RPS6KA2: variants seen among roughly 807,000 people sequenced by gnomAD.
RPS6KA2 encodes ribosomal protein S6 kinase alpha-2.
Under a neutral mutation model 91.8 loss-of-function variants are expected in RPS6KA2, and 42 were observed. That is an observed-to-expected ratio of 0.46 (90% CI 0.36 to 0.59). The LOEUF is 0.59. Among genes scored for constraint, RPS6KA2 ranks in the 20% least tolerant of loss-of-function variants. The pLI is 0.00. For missense variants in RPS6KA2, 798 were observed against 978.5 expected, an observed-to-expected ratio of 0.82 and a Z score of 2.46; for synonymous variants, 414 against 393.6, an observed-to-expected ratio of 1.05 and a Z score of -0.61.
chr6:166,470,056 G>A (rs551124272), intron 10 of RPS6KA2, 151 bp from the exon 11 acceptor site: 5 of 685,252 alleles, frequency 7.3e-6, no homozygotes, highest in East Asian at 2.7e-5. Flanking sequence ...AGGCACCTGC[G>A]CACCTGCCGA....
intron 2 of RPS6KA2, among the ~76,000 whole-genome samples, chr6:166,656,648 G>A (rs1357576522): frequency 2.0e-5 from 3 of 152,228 alleles, no homozygotes; most frequent in African/African-American, 7.2e-5. Flanking sequence ...CCGATTTCCC[G>A]GAGCTCCCAG....
rs191971087 is a variant in RPS6KA2 at position 166,424,435 on chromosome 6, C to T, written c.1582-1018G>A. ...ACTGCATTCTGAAAACTCAGGACTA[C>T]GCACACAGCTGGCTAAGACAGTATT... is the stretch of plus-strand genomic sequence containing the variant. On this transcript the variant is annotated intron_variant, in intron 16 of 20. Transcript: ENST00000265678. Among the ~76,000 whole-genome samples, 137 of 150,666 alleles carry T rather than the reference C, an allele frequency of 9.1e-4. 1 individual carries two copies. The highest frequency in any genetic ancestry group is 3.2e-3 in the African/African-American group (129 of 39,934).
Position 166,448,773 on chromosome 6 carries a change from ACT to A in RPS6KA2, c.1281_1282del (p.Cys429GlnfsTer6). On this transcript the variant is annotated frameshift_variant, in exon 14 of 21. Coordinates refer to ENST00000265678, the MANE Select transcript of RPS6KA2 (RefSeq NM_021135.6). LOFTEE classifies it high-confidence loss of function. This position sits in a 1 kb window ranked among gnomAD's most constrained non-coding sequence, Gnocchi z 4.7. ...GGCTTTATGCACACATCGCTTGCAC[ACT>A]GAGTAGGAGCCCACCCCGATGTCCT... is the stretch of plus-strand genomic sequence containing the variant. The A allele has an allele frequency of 6.2e-7, 1 of 1,612,756 alleles. No individual in the cohort carries two copies. Among genetic ancestry groups the A allele is most frequent in the Non-Finnish European group, 8.5e-7 (1 of 1,179,796 alleles).
At chr6:166,577,205 C>T (rs1784860993) in intron 1 of RPS6KA2, among the ~76,000 whole-genome samples, 2 of 152,204 alleles carry the variant, frequency 1.3e-5, no homozygotes, top group South Asian at 4.1e-4. Flanking sequence ...TCATGGAGAA[C>T]CTCTGCCAGG....
At chr6:166,504,641 A>AAAAACC in intron 5 of RPS6KA2, 29 bp from the exon 6 acceptor site, 1 of 1,493,600 alleles carries the variant, frequency 6.7e-7, no homozygotes, top group Non-Finnish European at 9.2e-7. Context: ...AAACAAAAAC[A>AAAAACC]AAAAACGTTT....
Position 166,493,547 on chromosome 6 carries a change from G to A in RPS6KA2, c.748-2806C>T, listed in dbSNP as rs993646668. On this transcript the variant is annotated intron_variant, in intron 8 of 20. Coordinates refer to ENST00000265678, the MANE Select transcript of RPS6KA2 (RefSeq NM_021135.6). This position sits in a 1 kb window ranked among gnomAD's most constrained non-coding sequence, Gnocchi z 4.7. Reference sequence around the variant, plus strand: ...TTGGGGTTCCCACAGTCAAGTACACGCACCGGGGGAGGGAGGGCACTCCAA... The same window carrying A: ...TTGGGGTTCCCACAGTCAAGTACACACACCGGGGGAGGGAGGGCACTCCAA... Among the ~76,000 whole-genome samples, 2 of 152,066 alleles carry A rather than the reference G, an allele frequency of 1.3e-5. No individual in the cohort carries two copies. The highest frequency in any genetic ancestry group is 1.9e-4 in the East Asian group (1 of 5,188).
rs1326361814 is a variant in RPS6KA2, at chr6:166,433,936, T to C, written c.1333-1446A>G. ...CCTACTCAGCTAATTTTTAAATTCT[T>C]TGTAGAGATGATGGGGTCTTGCTGT... On this transcript the variant is annotated intron_variant, in intron 14 of 20. Transcript: ENST00000265678. This position sits in a 1 kb window ranked among gnomAD's most constrained non-coding sequence, Gnocchi z 4.4. Among the ~76,000 whole-genome samples the C allele has an allele frequency of 6.6e-6, 1 of 151,968 alleles. No homozygotes were observed. Among genetic ancestry groups the C allele is most frequent in the Non-Finnish European group, 1.5e-5 (1 of 68,000 alleles).
chr6:166,653,380 G>A (rs974569438), intron 2 of RPS6KA2, among the ~76,000 whole-genome samples: 1 of 152,192 alleles, frequency 6.6e-6, no homozygotes, highest in Admixed American at 6.5e-5. Flanking sequence ...TTTTTAAGGA[G>A]GTGAATAATT....
At chr6:166,555,262 C>G (rs780963232) in intron 1 of RPS6KA2, among the ~76,000 whole-genome samples, 7 of 152,244 alleles carry the variant, frequency 4.6e-5, no homozygotes, top group Non-Finnish European at 1.0e-4. Flanking sequence ...AGGCCGCACT[C>G]TGGCCCACTT....
chr6:166,485,772 T>C (rs1781387020), intron 10 of RPS6KA2, among the ~76,000 whole-genome samples: 1 of 152,146 alleles, frequency 6.6e-6, no homozygotes, highest in African/African-American at 2.4e-5. Context: ...TTGGGAAAAC[T>C]GCAGTGAAAC....
At chr6:166,703,245 A>T (rs1427764004) in intron 2 of RPS6KA2, among the ~76,000 whole-genome samples, 1 of 152,248 alleles carries the variant, frequency 6.6e-6, no homozygotes, top group African/African-American at 2.4e-5. Context: ...GTATTGATTA[A>T]AACTCCCTTC....
chr6:166,679,951 G>C (rs946985526), intron 2 of RPS6KA2, among the ~76,000 whole-genome samples: 1 of 152,256 alleles, frequency 6.6e-6, no homozygotes, highest in Non-Finnish European at 1.5e-5. Context: ...GGCAGTGCCA[G>C]TGAGAGGTGA....
chr6:166,639,681 A>G lies in RPS6KA2; in HGVS notation c.124-100897T>C, dbSNP rs1466780189. On this transcript the variant is annotated intron_variant, in intron 2 of 21. Transcript: ENST00000503859. This position sits in a 1 kb window ranked among gnomAD's most constrained non-coding sequence, Gnocchi z 4.2. ...AGATGAACTGTGGTGTCTCCGTGAC[A>G]TCATTCACGCAGTGGCCACGGCTGT... is the stretch of plus-strand genomic sequence containing the variant. 1.3e-5 allele frequency among the ~76,000 whole-genome samples: 2 copies of G among 152,112 alleles called. No homozygotes were observed. Among genetic ancestry groups the G allele is most frequent in the African/African-American group, 4.8e-5 (2 of 41,408 alleles).
intron 2 of RPS6KA2, among the ~76,000 whole-genome samples, chr6:166,661,398 G>A (rs1338656789): frequency 3.3e-5 from 5 of 152,198 alleles, no homozygotes; most frequent in Non-Finnish European, 5.9e-5. Flanking sequence ...CCGCTGTATG[G>A]CCAAAATCTT....
chr6:166,566,208 A>G (rs550133007), intron 1 of RPS6KA2, among the ~76,000 whole-genome samples: 3 of 152,304 alleles, frequency 2.0e-5, no homozygotes, highest in Admixed American at 6.5e-5. Context: ...CTGCTACTGC[A>G]GGGGAGGCCA....
intron 12 of RPS6KA2, among the ~76,000 whole-genome samples, chr6:166,455,023 A>G (rs1250259642): frequency 6.6e-6 from 1 of 151,854 alleles, no homozygotes; most frequent in Non-Finnish European, 1.5e-5. Flanking sequence ...ATTCTTATTT[A>G]TATATCTTTT....
intron 1 of RPS6KA2, chr6:166,861,969 A>ACACTGGATATC: frequency 9.5e-7 from 1 of 1,054,088 alleles, no homozygotes; most frequent in Non-Finnish European, 1.4e-6. Context: ...ATACATCCAC[A>ACACTGGATATC]CACACTGGAT....
At chr6:166,661,526 T>A (rs1000617820) in intron 2 of RPS6KA2, among the ~76,000 whole-genome samples, 1 of 152,200 alleles carries the variant, frequency 6.6e-6, no homozygotes, top group African/African-American at 2.4e-5. Context: ...TTTTTCCTAT[T>A]GCAGAGTCAG....
At chr6:166,801,323 G>C (rs959352223) in intron 2 of RPS6KA2, among the ~76,000 whole-genome samples, 4 of 129,946 alleles carry the variant, frequency 3.1e-5, no homozygotes, top group Admixed American at 2.4e-4. Context: ...CTAAAGGAAA[G>C]GGAGGTTTAT....
Sources: allele counts gnomAD v4.1 joint callset (sites outside exome capture counted in the v4.1 genomes callset), GRCh38; gene constraint gnomAD v4.1.1; non-coding constraint Gnocchi (gnomAD v3.1); transcripts MANE v1.5; gene names NCBI Gene and HGNC (gene_info 2026-07-23, HGNC 2026-07-21).